ARHGAP19: variants seen among roughly 807,000 people sequenced by gnomAD.
The protein encoded by ARHGAP19 is Rho GTPase activating protein 19.
A neutral mutation model predicts 60.9 loss-of-function variants in ARHGAP19; 48 were observed. The observed-to-expected ratio is 0.79, with a 90% CI of 0.62 to 1.00. The LOEUF (loss-of-function observed/expected upper bound fraction) is 1.00. ARHGAP19 is among the 50% of genes least tolerant of loss of function. The pLI is 0.00. For missense variants in ARHGAP19, 562 were observed against 597.2 expected, an observed-to-expected ratio of 0.94 and a Z score of 0.61; for synonymous variants, 209 against 215.5, an observed-to-expected ratio of 0.97 and a Z score of 0.27.
At chr10:97,287,402 C>A (rs12358777) in intron 1 of ARHGAP19, among the ~76,000 whole-genome samples, 1 of 152,140 alleles carries the variant, frequency 6.6e-6, no homozygotes, top group Non-Finnish European at 1.5e-5. Flanking sequence ...ATCAACAGGT[C>A]AAAAACATAA....
At chr10:97,256,169 T>C (rs924704520) in intron 6 of ARHGAP19, 149 bp downstream of exon 6, 11 of 703,730 alleles carry the variant, frequency 1.6e-5, no homozygotes, top group Non-Finnish European at 2.5e-5. Context: ...TAGTGGTTGT[T>C]ACCCCCTGGG....
chr10:97,251,319 A>AG (rs1842651378), intron 6 of ARHGAP19, among the ~76,000 whole-genome samples: 1 of 30,994 alleles, frequency 3.2e-5, no homozygotes, highest in South Asian at 1.9e-3. Context: ...GGGAAGGGGA[A>AG]GGGAAGGGGA....
intron 1 of ARHGAP19, among the ~76,000 whole-genome samples, chr10:97,267,679 G>A (rs939220491): frequency 2.6e-5 from 4 of 152,228 alleles, no homozygotes; most frequent in East Asian, 1.9e-4. Flanking sequence ...CTGTGCACCC[G>A]CAGGCCCAAA....
chr10:97,292,307 C>A (rs1843246868), intron 1 of ARHGAP19, among the ~76,000 whole-genome samples: 1 of 152,238 alleles, frequency 6.6e-6, no homozygotes, highest in East Asian at 1.9e-4. Context: ...AAGCGATCAG[C>A]GCTGCCACCC....
intron 9 of ARHGAP19, among the ~76,000 whole-genome samples, chr10:97,231,191 G>A (rs1394662219): frequency 6.7e-6 from 1 of 150,220 alleles, no homozygotes; most frequent in Non-Finnish European, 1.5e-5. Flanking sequence ...TTCCAAATGA[G>A]AAGAAAAAAA....
rs771812324 is a variant in ARHGAP19 at position 97,244,037 on chromosome 10, T to G, written c.1116A>C (p.Ala372=). ...GAACGTGTTGAAACAGCTCTCTCAG[T>G]GCCTCTTCCGTATGGTGCTGGGTCT... The part of the protein sequence containing the change: ...QEETQHHTEE[A]LRELFQHVHD... Residue 372 remains alanine, a synonymous_variant, in exon 8 of 12, where the codon GCA becomes GCC. Transcript: ENST00000358531. The G allele has an allele frequency of 6.2e-7, 1 of 1,614,092 alleles. No homozygotes were observed. Among genetic ancestry groups the G allele is most frequent in the South Asian group, 1.1e-5 (1 of 91,054 alleles).
At chr10:97,268,620 G>A (rs1341916878) in intron 1 of ARHGAP19, among the ~76,000 whole-genome samples, 1 of 152,186 alleles carries the variant, frequency 6.6e-6, no homozygotes, top group East Asian at 1.9e-4. Context: ...GTCTTACGTG[G>A]CAGCAGGCAA....
chr10:97,281,219 C>CAAAAA (rs56674405), intron 1 of ARHGAP19, among the ~76,000 whole-genome samples: 1 of 131,708 alleles, frequency 7.6e-6, no homozygotes. Flanking sequence ...TCTGTCACTA[C>CAAAAA]AAAAAAAAAA....
At chr10:97,288,973 C>T (rs904431760) in intron 1 of ARHGAP19, among the ~76,000 whole-genome samples, 11 of 151,422 alleles carry the variant, frequency 7.3e-5, no homozygotes, top group East Asian at 2.0e-4. Context: ...TGCCACCATG[C>T]CTGGTTAACT....
intron 1 of ARHGAP19, among the ~76,000 whole-genome samples, chr10:97,279,495 T>TTTTG (rs71007330): frequency 0.9 from 135,637 of 150,828 alleles, 61,620 homozygotes; most frequent in Non-Finnish European, 0.97. Context: ...TGTGTGTGCG[T>TTTTG]TTTGTTTGTT....
chr10:97,263,387 T>C (rs1312290690), intron 4 of ARHGAP19, 33 bp downstream of exon 4: 1 of 1,592,974 alleles, frequency 6.3e-7, no homozygotes, highest in Non-Finnish European at 8.6e-7. Flanking sequence ...GAAAGAAATG[T>C]ATTTACATCT....
At chr10:97,268,348 T>C (rs760489798) in intron 1 of ARHGAP19, among the ~76,000 whole-genome samples, 20 of 152,226 alleles carry the variant, frequency 1.3e-4, no homozygotes, top group Non-Finnish European at 1.8e-4. Context: ...CACGTTTCCC[T>C]GTCTTCTGAG....
chr10:97,270,701 C>T, intron 1 of ARHGAP19: 1 of 1,538,544 alleles, frequency 6.5e-7, no homozygotes, highest in South Asian at 1.2e-5. Context: ...CTCTCCTTTC[C>T]CTGCCCCAGC....
chr10:97,292,062 A>G (rs1843241965), intron 1 of ARHGAP19, among the ~76,000 whole-genome samples: 1 of 152,328 alleles, frequency 6.6e-6, no homozygotes, highest in African/African-American at 2.4e-5. Context: ...CAATCTTGAC[A>G]CTTGGAAATA....
At position 97,226,094 on chromosome 10, in the gene ARHGAP19, T is replaced by A. The variant is rs1191746332; in HGVS notation, c.*28A>T. On this transcript the variant is annotated 3_prime_UTR_variant, in exon 12 of 12. Coordinates refer to ENST00000358531, the MANE Select transcript of ARHGAP19 (RefSeq NM_032900.6). ...TGCCCACTAAACAGAAAATTCTGCA[T>A]GGACCATAGGAGACAACTCTGGATC... 1.2e-6 allele frequency: 2 copies of A among 1,612,792 alleles called. No individual in the cohort carries two copies. Among genetic ancestry groups the A allele is most frequent in the African/African-American group, 2.7e-5 (2 of 74,872 alleles).
At chr10:97,245,393 A>G (rs1589452017) in intron 7 of ARHGAP19, among the ~76,000 whole-genome samples, 1 of 152,056 alleles carries the variant, frequency 6.6e-6, no homozygotes, top group African/African-American at 2.4e-5. Context: ...TGGGAGGCTG[A>G]GGCAGTCGGA....
intron 1 of ARHGAP19, among the ~76,000 whole-genome samples, chr10:97,274,646 G>C (rs760876035): frequency 6.6e-6 from 1 of 152,016 alleles, no homozygotes; most frequent in Non-Finnish European, 1.5e-5. Flanking sequence ...GACGTTTCAT[G>C]ACAAATTTTT....
At chr10:97,251,392 GGGAAGGGGAAGGGAAGGGAAA>G (rs1842656516) in intron 6 of ARHGAP19, among the ~76,000 whole-genome samples, 1 of 40,198 alleles carries the variant, frequency 2.5e-5, no homozygotes, top group Non-Finnish European at 5.4e-5. Context: ...GGAAGGGGAA[GGGAAGGGGAAGGGAAGGGAAA>G]GGAAGGGGAA....
In ARHGAP19 at chr10:97,235,298, C is replaced by A; in HGVS notation, c.1203G>T (p.Leu401Phe). ...AAGGTTCTCGCCCTGGTGTCTGGGT[C>A]AATGATTGCTTATTAAACTAAAAGA... ...QLIRQFNKQSLTQTPGREPST... is the reference protein window; with the variant it reads ...QLIRQFNKQSFTQTPGREPST... The change falls in exon 9 of 12, where the codon TTG becomes TTT. Residue 401 changes from leucine to phenylalanine, a missense_variant. Physicochemically the swap from Leu to Phe is conservative, Grantham distance 22. Coordinates refer to ENST00000358531, the MANE Select transcript of ARHGAP19 (RefSeq NM_032900.6). 2 of 1,612,768 alleles carry A rather than the reference C, an allele frequency of 1.2e-6. No homozygotes were observed. The highest frequency in any genetic ancestry group is 2.2e-5 in the South Asian group (2 of 90,968).
Sources: allele counts gnomAD v4.1 joint callset (sites outside exome capture counted in the v4.1 genomes callset), GRCh38; gene constraint gnomAD v4.1.1; transcripts MANE v1.5; gene names NCBI Gene and HGNC (gene_info 2026-07-23, HGNC 2026-07-21).